The following ZSCAN5C variants were observed in gnomAD, a reference collection of about 807,000 sequenced individuals.
The protein encoded by ZSCAN5C is zinc finger and SCAN domain-containing protein 5C.
ZSCAN5C carries 11 observed loss-of-function variants against 17.3 expected under a neutral mutation model. That is an observed-to-expected ratio of 0.64 (90% confidence interval 0.40 to 1.06). ZSCAN5C has a LOEUF of 1.06. Among genes scored for constraint, ZSCAN5C ranks in the 50% least tolerant of loss-of-function variants. ZSCAN5C has a pLI of 0.00. For synonymous variants in ZSCAN5C, 229 were observed against 208.4 expected (o/e 1.10, Z -0.85); for missense variants, 698 against 538.9 (o/e 1.30, Z -2.92).
exon 4 of ZSCAN5C, chr19:56,208,180 T>C (rs1219272634): frequency 3.5e-5 from 27 of 778,672 alleles, no homozygotes; most frequent in Non-Finnish European, 6.0e-5. Flanking sequence ...TTCCAAACAG[T>C]CCCAGTAAGT....
chr19:56,203,638 G>A lies in ZSCAN5C; in HGVS notation c.-128+1316G>A, dbSNP rs1056993869. Among the ~76,000 whole-genome samples, 90 of 142,432 alleles carry A rather than the reference G, an allele frequency of 6.3e-4. 1 individual carries two copies. The highest frequency in any genetic ancestry group is 3.8e-3 in the Middle Eastern group (1 of 266). The allele number at this position is 142,432 out of a possible 152,430, so 93.4% of individuals were successfully genotyped here. On this transcript the variant is annotated intron_variant, in intron 1 of 4. Transcript: ENST00000534327. ...CTCACTGCTACTATGAGTCTACTGG[G>A]AATTTTTTTTTTTTTTTTTTTTTTT...
At chr19:56,207,471 A>G (rs1337434346) in intron 3 of ZSCAN5C, among the ~76,000 whole-genome samples, 1 of 123,024 alleles carries the variant, frequency 8.1e-6, no homozygotes, top group Non-Finnish European at 1.7e-5. Context: ...AGCTTTTAGC[A>G]TGTAGGGTGG....
chr19:56,204,104 C>G (rs1343986250), intron 1 of ZSCAN5C, among the ~76,000 whole-genome samples: 2 of 151,862 alleles, frequency 1.3e-5, no homozygotes, highest in Non-Finnish European at 2.9e-5. Context: ...AGGTATGACT[C>G]TACCCATCAC....
chr19:56,205,238 G>A (rs1161374822), intron 1 of ZSCAN5C, among the ~76,000 whole-genome samples: 1 of 151,962 alleles, frequency 6.6e-6, no homozygotes. Flanking sequence ...ATGAAATTAT[G>A]AATGTGCATT....
exon 5 of ZSCAN5C, chr19:56,208,587 A>G (rs1461259116): frequency 6.3e-7 from 1 of 1,597,256 alleles, no homozygotes; most frequent in African/African-American, 1.3e-5. Context: ...GACGCTCTGA[A>G]TCTGAGAGGT....
Position 56,207,062 on chromosome 19 carries a change from G to A in ZSCAN5C, c.388G>A (p.Val130Ile), listed in dbSNP as rs147141524. 4,867 of 718,054 alleles carry A rather than the reference G, an allele frequency of 6.8e-3. 214 individuals carry two copies. The African/African-American group carries it at 0.071, about 11-fold the overall frequency. The allele number at this position is 718,054 out of a possible 1,614,324, so 44.5% of individuals were successfully genotyped here. A position where few individuals can be genotyped will look rare whatever the true frequency, so the allele number is the denominator to read the frequency against. The change falls in exon 3 of 5, where the codon GTA becomes ATA. Residue 130 changes from valine to isoleucine, a missense_variant. Physicochemically the swap from Val to Ile is conservative, Grantham distance 29. This residue lies in a region of ZSCAN5C where 554 missense variants were observed against 390.5 expected (regional missense o/e 1.42). Coordinates refer to ENST00000534327, the Ensembl canonical transcript of ZSCAN5C. ...ATTGCTTTTTTTCTCTCTATAGTCT[G>A]TAGTCAGTTTTCTTGGCAAGGAATA...
At chr19:56,208,703 C>T (rs765629132) in exon 5 of ZSCAN5C, 48 of 1,612,486 alleles carry the variant, frequency 3.0e-5, no homozygotes, top group Non-Finnish European at 3.6e-5. Context: ...TGAGATCAAT[C>T]CAGTTCATTC....
chr19:56,203,013 A>T (rs1357334774), intron 1 of ZSCAN5C, among the ~76,000 whole-genome samples: 1 of 151,924 alleles, frequency 6.6e-6, no homozygotes, highest in African/African-American at 2.4e-5. Flanking sequence ...TTGAATACTA[A>T]CCCGCGTACC....
At chr19:56,209,058 C>T in exon 5 of ZSCAN5C, 1 of 1,607,362 alleles carries the variant, frequency 6.2e-7, no homozygotes, top group Non-Finnish European at 8.5e-7. Flanking sequence ...AAAGTTTTCA[C>T]CTACAAGGCA....
intron 1 of ZSCAN5C, among the ~76,000 whole-genome samples, chr19:56,204,963 C>T (rs2032905504): frequency 6.6e-6 from 1 of 150,988 alleles, no homozygotes; most frequent in South Asian, 2.1e-4. Context: ...TATCAACCCA[C>T]TTCTTTAAAA....
At chr19:56,205,894 TG>T in exon 2 of ZSCAN5C, 2 of 993,246 alleles carry the variant, frequency 2.0e-6, no homozygotes, top group Non-Finnish European at 3.2e-6. Context: ...AGAGACAGAT[TG>T]AAATATTCCC....
At chr19:56,207,109 G>A in exon 3 of ZSCAN5C, 1 of 754,054 alleles carries the variant, frequency 1.3e-6, no homozygotes, top group Non-Finnish European at 2.5e-6. Flanking sequence ...AATCAGATGT[G>A]GAGATGGCTG....
exon 5 of ZSCAN5C, chr19:56,209,095 C>G (rs780133256): frequency 1.9e-6 from 3 of 1,589,772 alleles, no homozygotes; most frequent in Non-Finnish European, 2.6e-6. Context: ...AGCGCATCCA[C>G]TCTGGAGAGA....
intron 1 of ZSCAN5C, among the ~76,000 whole-genome samples, chr19:56,205,053 T>A (rs1244473369): frequency 6.6e-6 from 1 of 151,280 alleles, no homozygotes; most frequent in African/African-American, 2.4e-5. Context: ...AGAAGGTAGA[T>A]TAGTGATTGC....
chr19:56,207,297 T>C (rs770870774), intron 3 of ZSCAN5C, 35 bp downstream of exon 3: 4 of 747,576 alleles, frequency 5.4e-6, no homozygotes, highest in South Asian at 2.8e-5. Flanking sequence ...TGGGCAGAGG[T>C]GGGAGAAGGA....
rs80158706 is a variant in ZSCAN5C, at chr19:56,207,480, G to A, written c.588+218G>A. 2.1e-4 allele frequency among the ~76,000 whole-genome samples: 12 copies of A among 57,794 alleles called. No individual in the cohort carries two copies. In the East Asian group the frequency reaches 2.7e-3, roughly 13 times the overall value. 37.9% of individuals were successfully genotyped at this position (57,794 alleles called of 152,430 possible). ...CATGAGAGCTTTTAGCATGTAGGGT[G>A]GGGGGTAAGAAATGGTCTCGGTGAA... On this transcript the variant is annotated intron_variant, in intron 3 of 4. Coordinates refer to ENST00000534327, the Ensembl canonical transcript of ZSCAN5C.
chr19:56,208,380 T>C (rs1036745601), intron 4 of ZSCAN5C, 69 bp from the exon 5 acceptor site: 73 of 994,812 alleles, frequency 7.3e-5, no homozygotes, highest in Non-Finnish European at 1.0e-4. Flanking sequence ...CATCAGTGTT[T>C]GGTTGCAATG....
intron 3 of ZSCAN5C, 75 bp downstream of exon 3, chr19:56,207,337 G>A: frequency 3.1e-6 from 2 of 653,632 alleles, no homozygotes; most frequent in Non-Finnish European, 5.6e-6. Context: ...CCACTGGACT[G>A]ATTGAGAGAT....
chr19:56,204,691 C>T (rs2032903089), intron 1 of ZSCAN5C, among the ~76,000 whole-genome samples: 4 of 151,856 alleles, frequency 2.6e-5, no homozygotes, highest in Admixed American at 2.6e-4. Context: ...TCTCTCTGTT[C>T]TGCACTTGCT....
Sources: allele counts gnomAD v4.1 joint callset (sites outside exome capture counted in the v4.1 genomes callset), GRCh38; gene constraint gnomAD v4.1.1; regional missense constraint gnomAD v4.1.1; transcripts MANE v1.5; gene names NCBI Gene and HGNC (gene_info 2026-07-23, HGNC 2026-07-21).